The following TGFB2 variants were observed in gnomAD, a reference collection of about 807,000 sequenced individuals.
TGFB2 encodes the protein transforming growth factor beta-2 proprotein.
In TGFB2, 13 loss-of-function variants were observed where a neutral mutation model predicts 42.7. The ratio of observed to expected loss-of-function variants is 0.30; its 90% CI spans 0.20 to 0.48. The LOEUF is 0.48. Ranked by LOEUF, TGFB2 falls within the 20% of genes least tolerant of loss-of-function variation. The pLI is 0.99. For synonymous variants in TGFB2, 193 were observed against 193.6 expected, an observed-to-expected ratio of 1.00 and a Z score of 0.03; for missense variants, 390 against 517.5, an observed-to-expected ratio of 0.75 and a Z score of 2.39.
At chr1:218,366,444 C>T (rs1197978120) in intron 1 of TGFB2, among the ~76,000 whole-genome samples, 1 of 151,916 alleles carries the variant, frequency 6.6e-6, no homozygotes, top group Non-Finnish European at 1.5e-5. Context: ...GTAGCTAGGA[C>T]CACAAGTGTG....
chr1:218,421,386 T>A (rs1359534839), intron 2 of TGFB2, among the ~76,000 whole-genome samples: 1 of 150,898 alleles, frequency 6.6e-6, no homozygotes, highest in East Asian at 1.9e-4. Context: ...TTTTTTTTTT[T>A]TTATCACTAT....
chr1:218,399,200 T>G (rs1023893539), intron 1 of TGFB2, among the ~76,000 whole-genome samples: 2 of 152,334 alleles, frequency 1.3e-5, no homozygotes, highest in African/African-American at 4.8e-5. Flanking sequence ...GAAACAATTT[T>G]AGACTCACAA....
At chr1:218,348,369 G>C (rs1283761744) in intron 1 of TGFB2, among the ~76,000 whole-genome samples, 1 of 152,170 alleles carries the variant, frequency 6.6e-6, no homozygotes, top group Admixed American at 6.5e-5. Context: ...GCAGGGTGGT[G>C]CTTTTCTTTT....
At chr1:218,378,055 A>G (rs1217272234) in intron 1 of TGFB2, among the ~76,000 whole-genome samples, 1 of 152,166 alleles carries the variant, frequency 6.6e-6, no homozygotes, top group Non-Finnish European at 1.5e-5. Context: ...GGCTCACTGC[A>G]ACCGCCGCCT....
rs1245468376 is a variant in TGFB2 at position 218,444,059 on chromosome 1, G to A, written c.*2697G>A. ...CTAGAAAACACCTGTGATGCAATAA[G>A]ACTATCTCAAGCTGGAAAAGTCATA... On this transcript the variant is annotated 3_prime_UTR_variant, in exon 7 of 7. Coordinates refer to ENST00000366930, the MANE Select transcript of TGFB2 (RefSeq NM_003238.6). The A allele has an allele frequency of 2.6e-5, 4 of 151,978 alleles. No individual in the cohort carries two copies. The highest frequency in any genetic ancestry group is 5.9e-5 in the Non-Finnish European group (4 of 68,004). 9.4% of individuals were successfully genotyped at this position (151,978 alleles called of 1,614,324 possible). A position where few individuals can be genotyped will look rare whatever the true frequency, so the allele number is the denominator to read the frequency against.
At chr1:218,361,697 A>C (rs747256728) in intron 1 of TGFB2, among the ~76,000 whole-genome samples, 121 of 152,222 alleles carry the variant, frequency 7.9e-4, no homozygotes, top group Non-Finnish European at 1.4e-3. Context: ...TCTCTTTTTA[A>C]AGGTCAGATA....
chr1:218,414,542 A>G (rs1659211046), intron 2 of TGFB2, among the ~76,000 whole-genome samples: 1 of 152,196 alleles, frequency 6.6e-6, no homozygotes, highest in African/African-American at 2.4e-5. Context: ...TTGTTTGCAC[A>G]AGGCTATTAA....
Position 218,437,337 on chromosome 1 carries a change from T to TC in TGFB2, c.933-6_933-5insC. 6.6e-7 allele frequency: 1 copy of TC among 1,515,292 alleles called. No homozygotes were observed. The highest frequency in any genetic ancestry group is 1.5e-5 in the African/African-American group (1 of 68,510). The allele number at this position is 1,515,292 out of a possible 1,614,324, so 93.9% of individuals were successfully genotyped here. ...CTCCATTGCTTTTTTTTTTTTTTTT[T>TC]AACAGAAATGTGCAGGATAATTGCT... On this transcript the variant is annotated splice_polypyrimidine_tract_variant and splice_region_variant and intron_variant, in intron 5 of 6. Transcript: ENST00000366930.
chr1:218,398,362 C>T (rs1258891019), intron 1 of TGFB2, among the ~76,000 whole-genome samples: 1 of 152,160 alleles, frequency 6.6e-6, no homozygotes, highest in South Asian at 2.1e-4. Flanking sequence ...TGTGGTGTAA[C>T]CAATCTAAGA....
At chr1:218,350,568 CAAAAAT>C (rs1289125724) in intron 1 of TGFB2, among the ~76,000 whole-genome samples, 1 of 152,108 alleles carries the variant, frequency 6.6e-6, no homozygotes, top group Non-Finnish European at 1.5e-5. Context: ...AAAATAATAA[CAAAAAT>C]AAAATATCTT....
intron 1 of TGFB2, among the ~76,000 whole-genome samples, chr1:218,400,281 A>G (rs527728348): frequency 3.6e-4 from 54 of 151,456 alleles, no homozygotes; most frequent in Non-Finnish European, 6.5e-4. Flanking sequence ...CCTTTGTTCC[A>G]TGGTCTCCCT....
chr1:218,398,045 T>C (rs1201450055), intron 1 of TGFB2, among the ~76,000 whole-genome samples: 1 of 152,246 alleles, frequency 6.6e-6, no homozygotes, highest in East Asian at 1.9e-4. Context: ...AAAGCTGATA[T>C]TAAACACTAA....
chr1:218,417,395 G>C (rs1316199497), intron 2 of TGFB2, among the ~76,000 whole-genome samples: 1 of 152,152 alleles, frequency 6.6e-6, no homozygotes, highest in African/African-American at 2.4e-5. Context: ...GATGATTTAG[G>C]GTATCTGGTG....
At chr1:218,377,789 A>T (rs550573002) in intron 1 of TGFB2, among the ~76,000 whole-genome samples, 1 of 151,980 alleles carries the variant, frequency 6.6e-6, no homozygotes, top group Non-Finnish European at 1.5e-5. Flanking sequence ...CTTCCAAAGG[A>T]TGCAGTCTGA....
intron 1 of TGFB2, among the ~76,000 whole-genome samples, chr1:218,397,398 C>T (rs1658556351): frequency 6.6e-6 from 1 of 151,504 alleles, no homozygotes; most frequent in African/African-American, 2.4e-5. Flanking sequence ...CCCGTCTCTA[C>T]TAAAAAATAC....
At chr1:218,400,903 G>C (rs1658693372) in intron 1 of TGFB2, among the ~76,000 whole-genome samples, 1 of 152,160 alleles carries the variant, frequency 6.6e-6, no homozygotes, top group Non-Finnish European at 1.5e-5. Flanking sequence ...GTAGGAGGCA[G>C]AGAGTCCTGG....
intron 1 of TGFB2, among the ~76,000 whole-genome samples, chr1:218,385,044 G>T (rs1204302800): frequency 6.6e-6 from 1 of 152,154 alleles, no homozygotes; most frequent in Non-Finnish European, 1.5e-5. Context: ...CCCATGTTTG[G>T]GATGGGTGTG....
chr1:218,405,130 G>A (rs759587885), intron 1 of TGFB2, 39 bp from the exon 2 acceptor site: 4 of 1,541,914 alleles, frequency 2.6e-6, no homozygotes, highest in East Asian at 4.5e-5. Context: ...AAGCACAATG[G>A]ATTTTATCAT....
At chr1:218,429,078 T>TC (rs1659722454) in intron 2 of TGFB2, among the ~76,000 whole-genome samples, 1 of 147,188 alleles carries the variant, frequency 6.8e-6, no homozygotes, top group African/African-American at 2.5e-5. Context: ...CCTCCTGGGC[T>TC]CAAGCAATTT....
Sources: allele counts gnomAD v4.1 joint callset (sites outside exome capture counted in the v4.1 genomes callset), GRCh38; gene constraint gnomAD v4.1.1; transcripts MANE v1.5; gene names NCBI Gene and HGNC (gene_info 2026-07-23, HGNC 2026-07-21).